The following COL24A1 variants were observed in gnomAD, a reference collection of about 807,000 sequenced individuals.
The protein encoded by COL24A1 is collagen alpha-1(XXIV) chain.
In COL24A1, 224 loss-of-function variants were observed where a neutral mutation model predicts 253.9. The observed-to-expected ratio is 0.88, with a 90% confidence interval of 0.79 to 0.99. COL24A1 has a LOEUF of 0.99. COL24A1 is among the 50% of genes least tolerant of loss of function. The pLI is 0.00. For synonymous variants in COL24A1, 685 were observed against 673.7 expected (o/e 1.02, Z -0.26); for missense variants, 2,131 against 2,068.5 (o/e 1.03, Z -0.59).
chr1:86,108,623 A>AG lies in COL24A1; in HGVS notation c.1599+3943_1599+3944insC, dbSNP rs1322234575. ...AATGGAGAAACCCCATCTCTACTAA[A>AG]AAAAAAAAAAAAAAAAAAAAAAAAA... On this transcript the variant is annotated intron_variant, in intron 5 of 59. Coordinates refer to ENST00000370571, the MANE Select transcript of COL24A1 (RefSeq NM_152890.7). Among the ~76,000 whole-genome samples the AG allele has an allele frequency of 2.9e-3, 14 of 4,910 alleles. 1 individual carries two copies. The highest frequency in any genetic ancestry group is 3.4e-3 in the Admixed American group (2 of 582). The allele number at this position is 4,910 out of a possible 152,430, so 3.2% of individuals were successfully genotyped here.
chr1:85,757,365 C>T (rs1384215183), intron 55 of COL24A1, among the ~76,000 whole-genome samples: 1 of 151,914 alleles, frequency 6.6e-6, no homozygotes, highest in Non-Finnish European at 1.5e-5. Flanking sequence ...ATTAAAAAAA[C>T]TGAAAAAAAG....
At chr1:86,092,756 A>G (rs1194883944) in intron 5 of COL24A1, among the ~76,000 whole-genome samples, 1 of 151,948 alleles carries the variant, frequency 6.6e-6, no homozygotes, top group Non-Finnish European at 1.5e-5. Context: ...TTTCCAAAAT[A>G]TTACAATGCA....
At chr1:86,063,250 A>G (rs1701223817) in intron 8 of COL24A1, among the ~76,000 whole-genome samples, 1 of 152,086 alleles carries the variant, frequency 6.6e-6, no homozygotes, top group South Asian at 2.1e-4. Flanking sequence ...TGTTATTGAA[A>G]TTTATTTGCA....
intron 12 of COL24A1, among the ~76,000 whole-genome samples, chr1:86,043,230 G>T (rs777550668): frequency 1.3e-5 from 2 of 151,994 alleles, no homozygotes; most frequent in Admixed American, 1.3e-4. Flanking sequence ...CATACTCCAT[G>T]CTCATAAGAC....
chr1:86,122,860 A>G (rs1647596934), intron 3 of COL24A1, among the ~76,000 whole-genome samples: 1 of 152,054 alleles, frequency 6.6e-6, no homozygotes, highest in East Asian at 1.9e-4. Context: ...TCCAATTAAT[A>G]CCTCTGCTTA....
chr1:86,112,094 A>AT (rs1305846203), intron 5 of COL24A1, among the ~76,000 whole-genome samples: 2 of 152,096 alleles, frequency 1.3e-5, no homozygotes, highest in Non-Finnish European at 2.9e-5. Context: ...ATATATATAG[A>AT]TTTTCAGGTT....
intron 13 of COL24A1, among the ~76,000 whole-genome samples, chr1:86,032,486 ATAAG>A (rs1266818942): frequency 2.0e-5 from 3 of 152,172 alleles, no homozygotes; most frequent in Non-Finnish European, 4.4e-5. Context: ...AATTATTTAT[ATAAG>A]TATCAGATTT....
At chr1:86,102,557 G>A (rs1704565230) in intron 5 of COL24A1, among the ~76,000 whole-genome samples, 1 of 152,072 alleles carries the variant, frequency 6.6e-6, no homozygotes, top group Admixed American at 6.6e-5. Flanking sequence ...TTAGCTGTGT[G>A]GTAGAGATTC....
Position 85,786,422 on chromosome 1 carries a change from C to A in COL24A1, c.3991G>T (p.Ala1331Ser), listed in dbSNP as rs1669692507. ...GGPGRTGLAG[A>S]PGPPGVKGSS... is the part of the protein sequence containing the mutation. ...CCCTTTACTCCTGGAGGACCTGGAG[C>A]CCCAGCAAGACCTGTTCTTCCTGGG... Residue 1331 changes from alanine (A) to serine (S), a missense_variant, in exon 48 of 60, where the codon GCT becomes TCT. Ala to Ser is a moderately conservative substitution (Grantham distance 99). Transcript: ENST00000370571. 1 of 1,613,528 alleles carries A rather than the reference C, an allele frequency of 6.2e-7. No homozygotes were observed. Among genetic ancestry groups the A allele is most frequent in the Admixed American group, 1.7e-5 (1 of 59,980 alleles).
At chr1:85,846,873 C>T (rs1173628929) in intron 39 of COL24A1, among the ~76,000 whole-genome samples, 1 of 151,588 alleles carries the variant, frequency 6.6e-6, no homozygotes. Flanking sequence ...AATAGAATAC[C>T]GAAAATAAGC....
At chr1:86,134,327 G>GT (rs1286010181) in intron 2 of COL24A1, among the ~76,000 whole-genome samples, 2 of 151,766 alleles carry the variant, frequency 1.3e-5, no homozygotes, top group Non-Finnish European at 2.9e-5. Context: ...TTTTTTGAAG[G>GT]TTTTTTGTGT....
intron 57 of COL24A1, among the ~76,000 whole-genome samples, chr1:85,742,930 AG>A (rs142008875): frequency 3.3e-5 from 5 of 152,238 alleles, no homozygotes; most frequent in Non-Finnish European, 7.4e-5. Flanking sequence ...AGCATATTCA[AG>A]AATCTAACCA....
At chr1:85,788,703 A>G (rs1364824368) in intron 47 of COL24A1, among the ~76,000 whole-genome samples, 6 of 151,976 alleles carry the variant, frequency 3.9e-5, no homozygotes, top group Admixed American at 6.6e-5. Context: ...TGTGTTTTAC[A>G]TTTGTCTTTA....
At chr1:86,024,563 T>A (rs1210209950) in intron 14 of COL24A1, among the ~76,000 whole-genome samples, 1 of 152,188 alleles carries the variant, frequency 6.6e-6, no homozygotes, top group African/African-American at 2.4e-5. Context: ...GATAAATTAT[T>A]TCTAACATGT....
chr1:86,076,237 C>A (rs1702233901), intron 7 of COL24A1, among the ~76,000 whole-genome samples: 1 of 152,100 alleles, frequency 6.6e-6, no homozygotes, highest in Admixed American at 6.5e-5. Context: ...ACAAACTTTC[C>A]TATACACCAA....
chr1:85,849,788 A>T (rs1677552000), intron 37 of COL24A1, among the ~76,000 whole-genome samples: 2 of 152,224 alleles, frequency 1.3e-5, no homozygotes, highest in African/African-American at 4.8e-5. Context: ...ACCCAAAGGC[A>T]TCCATCTCAG....
intron 24 of COL24A1, among the ~76,000 whole-genome samples, chr1:85,946,770 T>C (rs1182130456): frequency 6.6e-6 from 1 of 152,238 alleles, no homozygotes; most frequent in African/African-American, 2.4e-5. Flanking sequence ...TTCTCCTTCT[T>C]ATGTAACAAC....
At chr1:86,146,476 A>C (rs2102418821) in intron 1 of COL24A1, among the ~76,000 whole-genome samples, 1 of 152,084 alleles carries the variant, frequency 6.6e-6, no homozygotes, top group East Asian at 1.9e-4. Flanking sequence ...TAAAGCACAG[A>C]AAACAGTACC....
intron 48 of COL24A1, among the ~76,000 whole-genome samples, 153 bp downstream of exon 48, chr1:85,786,201 A>G (rs1669665805): frequency 6.6e-6 from 1 of 152,296 alleles, no homozygotes; most frequent in East Asian, 1.9e-4. Context: ...ATATGTCAAA[A>G]CTACATACTT....
Sources: gnomAD v4.1 joint callset for allele counts (sites outside exome capture counted in the v4.1 genomes callset) on GRCh38, gnomAD v4.1.1 for gene constraint, MANE v1.5 for transcripts, NCBI Gene and HGNC (gene_info 2026-07-23, HGNC 2026-07-21) for gene names.